The following ATP10B variants were observed in gnomAD, a reference collection of about 807,000 sequenced individuals.
ATP10B encodes the protein ATPase phospholipid transporting 10B (putative).
A neutral mutation model predicts 141.2 loss-of-function variants in ATP10B; 122 were observed. The observed-to-expected ratio is 0.86, with a 90% CI of 0.75 to 1.00. The LOEUF (loss-of-function observed/expected upper bound fraction) is 1.00, where lower values mean the gene tolerates loss of function less well. ATP10B is among the 50% of genes least tolerant of loss of function. The pLI, the probability that ATP10B is intolerant of heterozygous loss-of-function variation, is 0.00. For synonymous variants in ATP10B, 685 were observed against 692.0 expected (o/e 0.99, Z 0.16); for missense variants, 1,876 against 1,825.3 (o/e 1.03, Z -0.51).
chr5:160,696,540 C>G (rs1764372774), intron 3 of ATP10B, among the ~76,000 whole-genome samples: 1 of 152,106 alleles, frequency 6.6e-6, no homozygotes, highest in Non-Finnish European at 1.5e-5. Flanking sequence ...CTCTTGATCC[C>G]TTATGACAAC....
intron 1 of ATP10B, among the ~76,000 whole-genome samples, chr5:160,813,176 A>G (rs1449435669): frequency 1.3e-5 from 2 of 152,264 alleles, no homozygotes; most frequent in Non-Finnish European, 2.9e-5. Context: ...GAGCCGAAGC[A>G]GGGCGAGGCA....
In ATP10B at chr5:160,620,381, C is replaced by A; in HGVS notation, c.2382G>T (p.Ser794=). The A allele has an allele frequency of 6.2e-7, 1 of 1,613,040 alleles. No individual in the cohort carries two copies. Among genetic ancestry groups the A allele is most frequent in the South Asian group, 1.1e-5 (1 of 90,904 alleles). ...GGTCTTCCAGCAGGTCCATGATGAC[C>A]GAGTCAGCACCCTTGGTGTAGACAA... The part of the protein sequence containing the change: ...EIVVYTKGAD[S]VIMDLLEDPA... Residue 794 remains serine (S), a synonymous_variant, in exon 15 of 26, where the codon TCG becomes TCT. Transcript: ENST00000327245.
chr5:160,858,906 T>TA, the ATP10B span, among the ~76,000 whole-genome samples: 1 of 152,056 alleles, frequency 6.6e-6, no homozygotes, highest in African/African-American at 2.4e-5. Flanking sequence ...TACATATATT[T>TA]AGAAGCAAAT....
At chr5:160,597,424 C>T (rs1429677006) in intron 22 of ATP10B, among the ~76,000 whole-genome samples, 1 of 152,090 alleles carries the variant, frequency 6.6e-6, no homozygotes, top group East Asian at 1.9e-4. Flanking sequence ...AAACGTTAGA[C>T]CTAAAACCAT....
the ATP10B span, among the ~76,000 whole-genome samples, chr5:160,918,936 AG>A: frequency 6.6e-6 from 1 of 152,154 alleles, no homozygotes; most frequent in Non-Finnish European, 1.5e-5. Context: ...AGTACAAAGC[AG>A]GGAGTGGGCC....
intron 7 of ATP10B, among the ~76,000 whole-genome samples, chr5:160,650,337 CTAGAT>C (rs1425344666): frequency 1.3e-5 from 2 of 151,992 alleles, no homozygotes; most frequent in Non-Finnish European, 2.9e-5. Context: ...CACTGAGTAG[CTAGAT>C]TAAACATTAA....
chr5:160,663,559 T>C (rs930476358), intron 7 of ATP10B, among the ~76,000 whole-genome samples: 17 of 152,180 alleles, frequency 1.1e-4, no homozygotes, highest in African/African-American at 3.9e-4. Flanking sequence ...AAACACCGCA[T>C]GTTCTCACTC....
intron 9 of ATP10B, among the ~76,000 whole-genome samples, 198 bp downstream of exon 9, chr5:160,643,940 G>A (rs1760076789): frequency 6.6e-6 from 1 of 152,122 alleles, no homozygotes; most frequent in African/African-American, 2.4e-5. Flanking sequence ...ATATTAACTT[G>A]GAATCTCATC....
the ATP10B span, among the ~76,000 whole-genome samples, chr5:160,863,137 CT>C: frequency 6.6e-6 from 1 of 151,944 alleles, no homozygotes; most frequent in African/African-American, 2.4e-5. Flanking sequence ...TTTTCAGCTA[CT>C]TCCATTATGG....
chr5:160,856,773 T>C (rs1398969894), upstream of ATP10B, among the ~76,000 whole-genome samples: 1 of 151,802 alleles, frequency 6.6e-6, no homozygotes, highest in East Asian at 1.9e-4. Context: ...TTTGAATTAG[T>C]TTTTTCCTGC....
At chr5:160,895,837 TAACA>T in the ATP10B span, among the ~76,000 whole-genome samples, 28 of 152,260 alleles carry the variant, frequency 1.8e-4, no homozygotes, top group African/African-American at 4.6e-4. Context: ...ACGGAAATCA[TAACA>T]AACAGTCTCT....
chr5:160,907,765 A>T, the ATP10B span, among the ~76,000 whole-genome samples: 11 of 152,218 alleles, frequency 7.2e-5, no homozygotes. Flanking sequence ...CAATGTCAGC[A>T]GCAAAAAGTG....
intron 2 of ATP10B, among the ~76,000 whole-genome samples, chr5:160,758,307 A>G (rs1768781866): frequency 6.6e-6 from 1 of 152,174 alleles, no homozygotes; most frequent in South Asian, 2.1e-4. Context: ...CAATGCCAAC[A>G]CTACAGGTTC....
At chr5:160,702,597 A>T (rs1292001613) in intron 3 of ATP10B, among the ~76,000 whole-genome samples, 1 of 152,248 alleles carries the variant, frequency 6.6e-6, no homozygotes, top group Non-Finnish European at 1.5e-5. Context: ...TCTGTTATGA[A>T]ATATTAAATA....
chr5:160,901,277 C>A, the ATP10B span, among the ~76,000 whole-genome samples: 2 of 152,150 alleles, frequency 1.3e-5, no homozygotes, highest in Non-Finnish European at 2.9e-5. Context: ...CCTTTAAAAT[C>A]TGTCATTGTT....
rs1450026028 is a variant in ATP10B, at chr5:160,602,702, C to A, written c.3238G>T (p.Ala1080Ser). 1.2e-6 allele frequency: 2 copies of A among 1,613,670 alleles called. No individual in the cohort carries two copies. The highest frequency in any genetic ancestry group is 2.2e-5 in the East Asian group (1 of 44,876). ...IGISGQEGMQAVMSSDFAITR... is the reference protein window; with the variant it reads ...IGISGQEGMQSVMSSDFAITR... The stretch of plus-strand genomic sequence containing the variant: ...ATGGCAAAGTCGCTGGACATGACAG[C>A]CTGAGAGGTGAGAACAGACACATCA... Residue 1080 changes from alanine to serine, a missense_variant and splice_region_variant, in exon 21 of 26, where the codon GCT becomes TCT. Transcript: ENST00000327245.
intron 24 of ATP10B, among the ~76,000 whole-genome samples, chr5:160,582,766 C>T (rs1332950384): frequency 6.6e-6 from 1 of 152,122 alleles, no homozygotes. Context: ...TTCTTGGAGG[C>T]TTTGTTCATT....
At position 160,665,674 on chromosome 5, in the gene ATP10B, G is replaced by A. The variant is rs1762279864; in HGVS notation, c.675+4789C>T. ...TGTCTCTTGGGACAAGTGCTTAGCA[G>A]ACTGTGAGAAATGCAGATCTATGTG... On this transcript the variant is annotated intron_variant, in intron 7 of 25. Coordinates refer to ENST00000327245, the MANE Select transcript of ATP10B (RefSeq NM_025153.3). 2.0e-5 allele frequency among the ~76,000 whole-genome samples: 3 copies of A among 152,216 alleles called. No individual in the cohort carries two copies. In the South Asian group the frequency reaches 6.2e-4, roughly 32 times the overall value.
chr5:160,717,462 T>G (rs1765728050), intron 2 of ATP10B, among the ~76,000 whole-genome samples: 1 of 152,208 alleles, frequency 6.6e-6, no homozygotes, highest in Non-Finnish European at 1.5e-5. Flanking sequence ...TCTGAATCCC[T>G]GAGAACTGCC....
Sources: gnomAD v4.1 joint callset for allele counts (sites outside exome capture counted in the v4.1 genomes callset) on GRCh38, gnomAD v4.1.1 for gene constraint, MANE v1.5 for transcripts, NCBI Gene and HGNC (gene_info 2026-07-23, HGNC 2026-07-21) for gene names.